The following EGF variants were observed in gnomAD, a reference collection of about 807,000 sequenced individuals.
EGF encodes epidermal growth factor, also known as pro-epidermal growth factor.
In EGF, 95 loss-of-function variants were observed where a neutral mutation model predicts 143.8. That is an observed-to-expected ratio of 0.66 (90% CI 0.56 to 0.78). EGF has a LOEUF of 0.78. Among genes scored for constraint, EGF ranks in the 30% least tolerant of loss-of-function variants. The pLI is 0.00. For synonymous variants in EGF, 510 were observed against 510.5 expected (o/e 1.00, Z 0.01); for missense variants, 1,320 against 1,470.9 (o/e 0.90, Z 1.68).
intron 1 of EGF, among the ~76,000 whole-genome samples, chr4:109,934,226 A>AT (rs1161680474): frequency 2.6e-5 from 4 of 151,964 alleles, no homozygotes; most frequent in African/African-American, 9.7e-5. Context: ...TTGCACATTG[A>AT]TTTTGTATCC....
At chr4:109,942,105 C>G (rs1489901433) in intron 2 of EGF, among the ~76,000 whole-genome samples, 2 of 152,216 alleles carry the variant, frequency 1.3e-5, no homozygotes, top group Admixed American at 1.3e-4. Context: ...AGGATGGCTA[C>G]TCATTATCCT....
chr4:109,914,164 C>G (rs1736188114), intron 1 of EGF, among the ~76,000 whole-genome samples: 1 of 152,174 alleles, frequency 6.6e-6, no homozygotes, highest in South Asian at 2.1e-4. Context: ...ACAATCCTGC[C>G]AAAGGATATT....
At chr4:109,936,962 GT>G (rs993856708) in intron 1 of EGF, among the ~76,000 whole-genome samples, 19 of 152,100 alleles carry the variant, frequency 1.2e-4, no homozygotes, top group African/African-American at 4.3e-4. Flanking sequence ...CCAATTACGT[GT>G]TCAATTTTAG....
intron 1 of EGF, among the ~76,000 whole-genome samples, chr4:109,914,200 T>C (rs1560615072): frequency 6.6e-6 from 1 of 152,222 alleles, no homozygotes; most frequent in Non-Finnish European, 1.5e-5. Context: ...TCTCTCTAAC[T>C]GTTAATTCAT....
At position 109,974,733 on chromosome 4, in the gene EGF, T is replaced by C; in HGVS notation, c.1755T>C (p.Asn585=). The stretch of plus-strand genomic sequence containing the variant: ...CTCTGATTGGAAGGAGTGATTTAAA[T>C]GGGAAACGTTCCAAAATAATCACTA... ...GKSLIGRSDL[N]GKRSKIITKE... is the part of the protein sequence containing the mutation. The change falls in exon 12 of 24, where the codon AAT becomes AAC. Residue 585 remains asparagine, a synonymous_variant. Coordinates refer to ENST00000265171, the MANE Select transcript of EGF (RefSeq NM_001963.6). The C allele has an allele frequency of 6.2e-7, 1 of 1,613,590 alleles. No individual in the cohort carries two copies.
chr4:109,960,780 C>G (rs558797586), intron 6 of EGF, 87 bp from the exon 7 acceptor site: 31 of 1,486,946 alleles, frequency 2.1e-5, no homozygotes, highest in Non-Finnish European at 2.7e-5. Flanking sequence ...GTGTGAGATA[C>G]CCTGCGTTGT....
At chr4:109,924,659 G>A (rs1040868700) in intron 1 of EGF, among the ~76,000 whole-genome samples, 4 of 152,084 alleles carry the variant, frequency 2.6e-5, no homozygotes, top group Non-Finnish European at 5.9e-5. Flanking sequence ...TTCAACAAGT[G>A]GCTCAGACGC....
chr4:109,970,932 C>T (rs1747546541), intron 11 of EGF, among the ~76,000 whole-genome samples: 1 of 150,890 alleles, frequency 6.6e-6, no homozygotes, highest in African/African-American at 2.4e-5. Flanking sequence ...TATTTTCTTT[C>T]ATTCATTCAT....
intron 3 of EGF, 38 bp from the exon 4 acceptor site, chr4:109,943,804 C>T: frequency 2.6e-6 from 4 of 1,567,282 alleles, no homozygotes; most frequent in Non-Finnish European, 3.5e-6. Flanking sequence ...AGGCACTATA[C>T]ATTCATTTTT....
intron 5 of EGF, among the ~76,000 whole-genome samples, chr4:109,948,660 G>A (rs2282785): frequency 0.39 from 58,458 of 151,736 alleles, 11,618 homozygotes; most frequent in East Asian, 0.51. Context: ...ATTTTGTTGT[G>A]TTTTTGGTAG....
At chr4:109,967,630 T>C (rs1274630316) in intron 10 of EGF, among the ~76,000 whole-genome samples, 2 of 152,188 alleles carry the variant, frequency 1.3e-5, no homozygotes, top group Non-Finnish European at 1.5e-5. Flanking sequence ...CTTTGGGTCA[T>C]TTTTAAACAG....
intron 23 of EGF, among the ~76,000 whole-genome samples, chr4:110,009,216 T>C (rs1411752270): frequency 6.6e-6 from 1 of 152,228 alleles, no homozygotes; most frequent in African/African-American, 2.4e-5. Flanking sequence ...ATATTTAAGG[T>C]ACACTTAAAA....
rs930265087 is a variant in EGF at position 109,914,397 on chromosome 4, G to A, written c.127+935G>A. Among the ~76,000 whole-genome samples, 6 of 152,244 alleles carry A rather than the reference G, an allele frequency of 3.9e-5. No individual in the cohort carries two copies. The South Asian group carries it at 6.2e-4, about 16-fold the overall frequency. On this transcript the variant is annotated intron_variant, in intron 1 of 23. Coordinates refer to ENST00000265171, the MANE Select transcript of EGF (RefSeq NM_001963.6). ...TACAGTTTCCAGAAGAGACACCTAT[G>A]GAAGACAGTACACAATAGGCAATAG...
chr4:109,987,992 T>TA (rs1257155021), intron 17 of EGF, 132 bp downstream of exon 17: 18,517 of 520,766 alleles, frequency 0.036, 2 homozygotes, highest in East Asian at 0.042. Flanking sequence ...TGATGTTAGC[T>TA]AAAAAAAAAA....
rs1234535318 is a variant in EGF at position 109,968,994 on chromosome 4, G to A, written c.1599G>A (p.Leu533=). The change falls in exon 11 of 24, where the codon CTG becomes CTA. Residue 533 remains leucine, a synonymous_variant. Transcript: ENST00000265171. ...AGATATACTTTGCCCATACAGCCCT[G>A]AAGTGGATAGAGAGAGCTAATATGG... The part of the protein sequence containing the change: ...ENKIYFAHTA[L]KWIERANMDG... 7 of 1,614,020 alleles carry A rather than the reference G, an allele frequency of 4.3e-6. No individual in the cohort carries two copies. In the Admixed American group the frequency reaches 1.0e-4, roughly 23 times the overall value.
At chr4:109,922,192 C>G (rs1242413729) in intron 1 of EGF, among the ~76,000 whole-genome samples, 2 of 151,688 alleles carry the variant, frequency 1.3e-5, no homozygotes, top group Non-Finnish European at 2.9e-5. Flanking sequence ...GGTCAATGCT[C>G]TAAGTGGATC....
intron 5 of EGF, among the ~76,000 whole-genome samples, chr4:109,956,711 G>A (rs762129432): frequency 2.0e-5 from 3 of 152,038 alleles, no homozygotes; most frequent in Non-Finnish European, 2.9e-5. Context: ...AAAATTTTTG[G>A]AATCAATTAT....
rs139475160 is a variant in EGF, at chr4:109,919,655, G to A, written c.127+6193G>A. On this transcript the variant is annotated intron_variant, in intron 1 of 23. Coordinates refer to ENST00000265171, the MANE Select transcript of EGF (RefSeq NM_001963.6). ...GAAATGGTACATGAGTGACAGGTAGGGGGGAACTACTTCCAGGAGCACTGT... is the reference window on the plus strand; with the variant it reads ...GAAATGGTACATGAGTGACAGGTAGAGGGGAACTACTTCCAGGAGCACTGT... Among the ~76,000 whole-genome samples, 39 of 147,708 alleles carry A rather than the reference G, an allele frequency of 2.6e-4. No homozygotes were observed. In the East Asian group the frequency reaches 7.3e-3, roughly 28 times the overall value.
intron 1 of EGF, among the ~76,000 whole-genome samples, 198 bp downstream of exon 1, chr4:109,913,660 A>G (rs923139221): frequency 3.3e-5 from 5 of 152,216 alleles, no homozygotes; most frequent in Non-Finnish European, 5.9e-5. Context: ...AAAACTTCAT[A>G]ACTCTCAAAC....
Sources: allele counts gnomAD v4.1 joint callset (sites outside exome capture counted in the v4.1 genomes callset), GRCh38; gene constraint gnomAD v4.1.1; transcripts MANE v1.5; gene names NCBI Gene and HGNC (gene_info 2026-07-23, HGNC 2026-07-21).